The following P2RX6 variants were observed in gnomAD, a reference collection of about 807,000 sequenced individuals.
The protein encoded by P2RX6 is P2X purinoceptor 6.
A neutral mutation model predicts 54.2 loss-of-function variants in P2RX6; 62 were observed. That is an observed-to-expected ratio of 1.14 (90% CI 0.93 to 1.41). The LOEUF is 1.41. P2RX6 is among the 40% of genes most tolerant of loss of function. P2RX6 has a pLI of 0.00. For synonymous variants in P2RX6, 211 were observed against 231.9 expected (o/e 0.91, Z 0.82); for missense variants, 541 against 566.3 (o/e 0.96, Z 0.45).
At position 21,026,744 on chromosome 22, in the gene P2RX6, C is replaced by A; in HGVS notation, c.*127C>A. 1 of 1,445,146 alleles carries A rather than the reference C, an allele frequency of 6.9e-7. No homozygotes were observed. The highest frequency in any genetic ancestry group is 1.5e-5 in the South Asian group (1 of 68,290). The allele number at this position is 1,445,146 out of a possible 1,614,324, so 89.5% of individuals were successfully genotyped here. A position where few individuals can be genotyped will look rare whatever the true frequency, so the allele number is the denominator to read the frequency against. On this transcript the variant is annotated 3_prime_UTR_variant, in exon 12 of 12. Transcript: ENST00000413302. This position sits in a 1 kb window ranked among gnomAD's most constrained non-coding sequence, Gnocchi z 4.0. ...ACCCTTGAACCCCAGCAGACAGTCC[C>A]TCCCCTGACTCCCACCTTGGTAGGG...
chr22:21,025,770 A>G, intron 8 of P2RX6, 35 bp from the exon 9 acceptor site: 4 of 1,515,908 alleles, frequency 2.6e-6, no homozygotes, highest in Non-Finnish European at 3.6e-6. Flanking sequence ...GGGGTGGGCA[A>G]AGCAGGTCAC....
At chr22:21,012,726 C>G (rs1047000035), upstream of P2RX6, 1 of 310,754 alleles carries the variant, frequency 3.2e-6, no homozygotes, top group Non-Finnish European at 6.2e-6. Context: ...GCCCGCTCCA[C>G]GTCCCCCACC....
rs773000561 is a variant in P2RX6, at chr22:21,026,353, G to A, written c.1128+24G>A. ...AGGTGAGCTGAGGTCGCTCTGCTTG[G>A]ACCCTGGGTTCTGCCACACTTAGGA... On this transcript the variant is annotated intron_variant, in intron 11 of 11. Coordinates refer to ENST00000413302, the MANE Select transcript of P2RX6 (RefSeq NM_005446.5). The surrounding 1 kb of genome is among the most constrained non-coding windows in gnomAD (Gnocchi z 4.0). 2.5e-6 allele frequency: 4 copies of A among 1,593,426 alleles called. No homozygotes were observed. Among genetic ancestry groups the A allele is most frequent in the Non-Finnish European group, 2.6e-6 (3 of 1,169,902 alleles).
upstream of P2RX6, chr22:21,012,720 G>A (rs534655200): frequency 2.4e-3 from 773 of 320,676 alleles, 13 homozygotes; most frequent in East Asian, 1.2e-3. Context: ...GGCTCAGCCC[G>A]CTCCACGTCC....
chr22:21,020,949 G>A (rs1927282587), intron 3 of P2RX6, among the ~76,000 whole-genome samples: 1 of 151,978 alleles, frequency 6.6e-6, no homozygotes, highest in Non-Finnish European at 1.5e-5. Context: ...GCAGGATGTC[G>A]ACACAGAGGG....
At chr22:21,015,854 G>C (rs534895800) in intron 1 of P2RX6, 88 bp from the exon 2 acceptor site, 14 of 1,366,154 alleles carry the variant, frequency 1.0e-5, no homozygotes, top group Admixed American at 4.6e-5. Context: ...TGTAGGGTGT[G>C]GGGGGAGAAC....
At chr22:21,021,955 C>T (rs779627978) in intron 3 of P2RX6, among the ~76,000 whole-genome samples, 4 of 152,140 alleles carry the variant, frequency 2.6e-5, no homozygotes, top group Admixed American at 6.5e-5. Flanking sequence ...GTCCCCATGC[C>T]GGGCATCAAA....
intron 6 of P2RX6, 29 bp from the exon 7 acceptor site, chr22:21,023,246 C>T (rs796351296): frequency 6.2e-7 from 1 of 1,613,998 alleles, no homozygotes; most frequent in Non-Finnish European, 8.5e-7. Flanking sequence ...TTGTCCCCTA[C>T]CTCATCTGAC....
chr22:21,023,335 A>G lies in P2RX6; in HGVS notation c.699A>G (p.Gln233=). Residue 233 remains glutamine, a synonymous_variant, in exon 7 of 12, where the codon CAA becomes CAG. Transcript: ENST00000413302. ...TYFKHCRYEP[Q]FSPYCPVFRI... ...TTAAGCACTGCCGCTATGAACCACA[A>G]TTCAGCCCCTACTGTCCCGTGTTCC... 6 of 1,613,898 alleles carry G rather than the reference A, an allele frequency of 3.7e-6. No homozygotes were observed. Among genetic ancestry groups the G allele is most frequent in the Non-Finnish European group, 5.1e-6 (6 of 1,179,864 alleles).
chr22:21,022,836 C>A, intron 4 of P2RX6, 85 bp downstream of exon 4: 1 of 1,458,846 alleles, frequency 6.9e-7, no homozygotes, highest in Non-Finnish European at 9.5e-7. Flanking sequence ...GCAGGCCCTG[C>A]TCGCCTCTGT....
At position 21,023,866 on chromosome 22, in the gene P2RX6, C is replaced by A. The variant is rs565346705; in HGVS notation, c.890+248C>A. Among the ~76,000 whole-genome samples, 3 of 152,300 alleles carry A rather than the reference C, an allele frequency of 2.0e-5. No homozygotes were observed. In the South Asian group the frequency reaches 6.2e-4, roughly 32 times the overall value. On this transcript the variant is annotated intron_variant, in intron 8 of 11. Transcript: ENST00000413302. ...CTGCCCAGCTCAGGCTCCTCACTGC[C>A]AGCCCTTCCTCCACCCCACCTCGCT...
At chr22:21,021,553 G>T (rs938951255) in intron 3 of P2RX6, among the ~76,000 whole-genome samples, 21 of 152,122 alleles carry the variant, frequency 1.4e-4, no homozygotes, top group Admixed American at 1.4e-3. Context: ...CAATCACGAC[G>T]GCCCTGTCTT....
Position 21,022,680 on chromosome 22 carries a change from C to G in P2RX6, c.392C>G (p.Pro131Arg), listed in dbSNP as rs200740801. ...CTGCTCTCTCTCCCACCTCAGCACCCGTCCGTCCCACTGGCTAACTGCTGG... is the reference window on the plus strand; with the variant it reads ...CTGCTCTCTCTCCCACCTCAGCACCGGTCCGTCCCACTGGCTAACTGCTGG... Reference protein sequence around the residue: ...AQVQGRCPEHPSVPLANCWVD... With the variant: ...AQVQGRCPEHRSVPLANCWVD... The change falls in exon 4 of 12, where the codon CCG (proline) becomes CGG (arginine). Residue 131 changes from proline to arginine, a missense_variant. Around this residue, in one of 2 missense-constraint regions of P2RX6, gnomAD observed 526 missense variants for 531.5 expected, o/e 0.99. Transcript: ENST00000413302. The G allele has an allele frequency of 6.4e-7, 1 of 1,555,482 alleles. No homozygotes were observed. The highest frequency in any genetic ancestry group is 8.7e-7 in the Non-Finnish European group (1 of 1,151,968).
intron 1 of P2RX6, 129 bp downstream of exon 1, chr22:21,015,467 A>T (rs1219027541): frequency 1.2e-6 from 1 of 857,946 alleles, no homozygotes; most frequent in Non-Finnish European, 1.7e-6. Flanking sequence ...GCAGATTGGG[A>T]CGGGGTTGGG....
chr22:21,019,879 C>T (rs1031609512), intron 3 of P2RX6, among the ~76,000 whole-genome samples: 7 of 152,234 alleles, frequency 4.6e-5, no homozygotes, highest in Non-Finnish European at 7.3e-5. Flanking sequence ...AATCACAGAT[C>T]GCTCATGCTA....
rs750849114 is a variant in P2RX6 at position 21,016,080 on chromosome 22, G to A, written c.303G>A (p.Val101=). Residue 101 remains valine, a synonymous_variant, in exon 2 of 12, where the codon GTG becomes GTA. Transcript: ENST00000413302. ...GNRLWDVADF[V]KPPQGENVFF... Reference sequence around the variant, plus strand: ...GGCTGTGGGATGTGGCCGACTTCGTGAAGCCACCTCAGGTGGGGGCCCTGA... The same window carrying A: ...GGCTGTGGGATGTGGCCGACTTCGTAAAGCCACCTCAGGTGGGGGCCCTGA... 2.1e-5 allele frequency: 33 copies of A among 1,563,368 alleles called. No homozygotes were observed. The highest frequency in any genetic ancestry group is 2.6e-5 in the Non-Finnish European group (30 of 1,154,788).
rs1446519336 is a variant in P2RX6 at position 21,023,515 on chromosome 22, T to C, written c.787T>C (p.Ser263Pro). 6.2e-7 allele frequency: 1 copy of C among 1,613,616 alleles called. No homozygotes were observed. The highest frequency in any genetic ancestry group is 8.5e-7 in the Non-Finnish European group (1 of 1,179,778). Residue 263 changes from serine (S) to proline (P), a missense_variant, in exon 8 of 12, where the codon TCT (serine) becomes CCT (proline). By Grantham distance (74) the Ser-to-Pro change is moderately conservative. Transcript: ENST00000413302. ...TFEDLALLGG[S>P]VGIRVHWDCD... ...AGCTATGTGCTATGTGCAGGGTGGC[T>C]CTGTAGGCATCAGAGTTCACTGGGA...
Position 21,026,011 on chromosome 22 carries a change from G to T in P2RX6, c.985G>T (p.Ala329Ser), listed in dbSNP as rs747216810. Residue 329 changes from alanine (A) to serine (S), a missense_variant and splice_region_variant, in exon 10 of 12, where the codon GCA becomes TCA. Coordinates refer to ENST00000413302, the MANE Select transcript of P2RX6 (RefSeq NM_005446.5). This position sits in a 1 kb window ranked among gnomAD's most constrained non-coding sequence, Gnocchi z 4.0. Reference protein sequence around the residue: ...IRFDILVTGQAGKFGLIPTAV... With the variant: ...IRFDILVTGQSGKFGLIPTAV... The stretch of plus-strand genomic sequence containing the variant: ...GAGGTTCAGCTCAGATCTCTCTCAG[G>T]CAGGGAAGTTCGGGCTCATCCCCAC... 2 of 1,610,618 alleles carry T rather than the reference G, an allele frequency of 1.2e-6. No homozygotes were observed. The highest frequency in any genetic ancestry group is 8.5e-7 in the Non-Finnish European group (1 of 1,178,680).
upstream of P2RX6, among the ~76,000 whole-genome samples, chr22:21,010,802 G>GCC (rs892143119): frequency 1.3e-5 from 2 of 152,008 alleles, no homozygotes; most frequent in African/African-American, 4.8e-5. Flanking sequence ...CAGCCCTGCA[G>GCC]CCCTCTGCCC....
Sources: allele counts gnomAD v4.1 joint callset (sites outside exome capture counted in the v4.1 genomes callset), GRCh38; gene constraint gnomAD v4.1.1; regional missense constraint gnomAD v4.1.1; non-coding constraint Gnocchi (gnomAD v3.1); transcripts MANE v1.5; gene names NCBI Gene and HGNC (gene_info 2026-07-23, HGNC 2026-07-21).